Variants in CC2D1A observed in about 807,000 individuals in gnomAD.
The protein encoded by CC2D1A is coiled-coil and C2 domain containing 1A.
Under a neutral mutation model 123.8 loss-of-function variants are expected in CC2D1A, and 68 were observed. That is an observed-to-expected ratio of 0.55 (90% CI 0.45 to 0.67). CC2D1A has a LOEUF of 0.67. Ranked by LOEUF, CC2D1A falls within the 30% of genes least tolerant of loss-of-function variation. The pLI, the probability that CC2D1A is intolerant of heterozygous loss-of-function variation, is 0.00. For synonymous variants in CC2D1A, 477 were observed against 528.0 expected (o/e 0.90, Z 1.32); for missense variants, 1,185 against 1,290.3 (o/e 0.92, Z 1.25).
At chr19:13,910,281 G>A (rs868449344) in intron 2 of CC2D1A, among the ~76,000 whole-genome samples, 15 of 151,104 alleles carry the variant, frequency 9.9e-5, no homozygotes, top group Non-Finnish European at 1.9e-4. Flanking sequence ...GGTGGCGGGC[G>A]CCTGTAGTCC....
chr19:13,923,945 G>C lies in CC2D1A; in HGVS notation c.1940+134G>C, dbSNP rs1262616373. Reference sequence around the variant, plus strand: ...TTTTGGATAGGTGGAAGAGCACAGAGCATGCAAAGGCTCTGGGGCAGGCAT... The same window carrying C: ...TTTTGGATAGGTGGAAGAGCACAGACCATGCAAAGGCTCTGGGGCAGGCAT... On this transcript the variant is annotated intron_variant, in intron 17 of 28. Transcript: ENST00000318003. This position sits in a 1 kb window ranked among gnomAD's most constrained non-coding sequence, Gnocchi z 5.3. 1.5e-6 allele frequency: 1 copy of C among 657,026 alleles called. No homozygotes were observed. Among genetic ancestry groups the C allele is most frequent in the East Asian group, 2.7e-5 (1 of 37,542 alleles). 40.7% of individuals were successfully genotyped at this position (657,026 alleles called of 1,614,324 possible). A position where few individuals can be genotyped will look rare whatever the true frequency, so the allele number is the denominator to read the frequency against.
At chr19:13,928,257 T>C (rs1417461633) in intron 24 of CC2D1A, 69 bp downstream of exon 24, 8 of 1,383,648 alleles carry the variant, frequency 5.8e-6, no homozygotes, top group Non-Finnish European at 7.0e-6. Context: ...CTGGACAGTT[T>C]CCCACCAGGC....
At chr19:13,922,399 T>C (rs1971440426) in intron 14 of CC2D1A, among the ~76,000 whole-genome samples, 1 of 152,212 alleles carries the variant, frequency 6.6e-6, no homozygotes, top group Admixed American at 6.5e-5. Flanking sequence ...CCTTTGCACA[T>C]GCAGTTCCCA....
At chr19:13,925,933 A>AAAAAATATATAT (rs1315518981) in intron 17 of CC2D1A, among the ~76,000 whole-genome samples, 1 of 91,052 alleles carries the variant, frequency 1.1e-5, no homozygotes, top group African/African-American at 6.8e-5. Flanking sequence ...AAAAAAAAAA[A>AAAAAATATATAT]ATATATATAT....
rs781235861 is a variant in CC2D1A, at chr19:13,928,125, A to G, written c.2456A>G (p.Gln819Arg). ...IDPVPAAVPT[Q>R]VAGPKGKAPP... Reference sequence around the variant, plus strand: ...CAGGACTGGTTCTCTCCTCTGAAGCAGGTTGCTGGGCCCAAAGGGAAGGCC... The same window carrying G: ...CAGGACTGGTTCTCTCCTCTGAAGCGGGTTGCTGGGCCCAAAGGGAAGGCC... The change falls in exon 24 of 29, where the codon CAG becomes CGG. Residue 819 changes from glutamine to arginine, a missense_variant and splice_region_variant. Transcript: ENST00000318003. 6.2e-7 allele frequency: 1 copy of G among 1,612,350 alleles called. No individual in the cohort carries two copies. The highest frequency in any genetic ancestry group is 8.5e-7 in the Non-Finnish European group (1 of 1,179,798).
intron 14 of CC2D1A, among the ~76,000 whole-genome samples, chr19:13,922,502 C>G (rs914266561): frequency 6.6e-6 from 1 of 152,168 alleles, no homozygotes; most frequent in African/African-American, 2.4e-5. Context: ...GGAGGCCTAC[C>G]CTGAGCTGTC....
chr19:13,907,212 G>A (rs1426786374), intron 1 of CC2D1A, among the ~76,000 whole-genome samples: 1 of 152,072 alleles, frequency 6.6e-6, no homozygotes, highest in East Asian at 1.9e-4. Context: ...TGAGGCCAGA[G>A]TTTGAGACCA....
At chr19:13,925,934 AT>A (rs1350602235) in intron 17 of CC2D1A, among the ~76,000 whole-genome samples, 11,823 of 65,808 alleles carry the variant, frequency 0.18, 828 homozygotes, top group Middle Eastern at 0.28. Flanking sequence ...AAAAAAAAAA[AT>A]ATATATATAT....
At chr19:13,916,208 G>T (rs536083001) in intron 6 of CC2D1A, among the ~76,000 whole-genome samples, 3 of 152,030 alleles carry the variant, frequency 2.0e-5, no homozygotes, top group African/African-American at 7.2e-5. Flanking sequence ...AGTGAGCCAC[G>T]ATCACACCAC....
chr19:13,927,035 C>T lies in CC2D1A; in HGVS notation c.2183C>T (p.Ala728Val). ...CGCAGCCACCGTGGCTTCCGAAGGGCCATCCAGACCAAGGGCATCAAGTTC... is the reference window on the plus strand; with the variant it reads ...CGCAGCCACCGTGGCTTCCGAAGGGTCATCCAGACCAAGGGCATCAAGTTC... Reference protein sequence around the residue: ...INRSHRGFRRAIQTKGIKFEV... With the variant: ...INRSHRGFRRVIQTKGIKFEV... The change falls in exon 21 of 29, where the codon GCC becomes GTC. Residue 728 changes from alanine to valine, a missense_variant. Ala to Val is a moderately conservative substitution (Grantham distance 64). Coordinates refer to ENST00000318003, the MANE Select transcript of CC2D1A (RefSeq NM_017721.5). The T allele has an allele frequency of 6.2e-7, 1 of 1,614,110 alleles. No homozygotes were observed. The highest frequency in any genetic ancestry group is 8.5e-7 in the Non-Finnish European group (1 of 1,180,020).
intron 22 of CC2D1A, 73 bp from the exon 23 acceptor site, chr19:13,927,820 C>A: frequency 3.6e-5 from 48 of 1,349,524 alleles, no homozygotes; most frequent in Non-Finnish European, 4.6e-5. Flanking sequence ...CAGTCTTGTT[C>A]TCCCTTGTCC....
In CC2D1A at chr19:13,908,320, A is replaced by G. The variant is rs190024683; in HGVS notation, c.61-1503A>G. 5.3e-5 allele frequency among the ~76,000 whole-genome samples: 8 copies of G among 151,188 alleles called. No individual in the cohort carries two copies. The East Asian group carries it at 1.6e-3, about 30-fold the overall frequency. On this transcript the variant is annotated intron_variant, in intron 1 of 28. Coordinates refer to ENST00000318003, the MANE Select transcript of CC2D1A (RefSeq NM_017721.5). The stretch of plus-strand genomic sequence containing the variant: ...CCACCGTGCCCGGCCTAATTTTTGT[A>G]TTTTTAGTAGTGATGGGATTTCACC...
Position 13,923,425 on chromosome 19 carries a change from A to T in CC2D1A, c.1734A>T (p.Glu578Asp). The change falls in exon 15 of 29, where the codon GAA becomes GAT. Residue 578 changes from glutamate (E) to aspartate (D), a missense_variant. Transcript: ENST00000318003. This position sits in a 1 kb window ranked among gnomAD's most constrained non-coding sequence, Gnocchi z 5.3. The stretch of plus-strand genomic sequence containing the variant: ...AGGAGGCCGCCCGGCGCTATGGTGA[A>T]CTCACCAAGCTCATACGGCAGCAGC... Reference protein sequence around the residue: ...LSQEAARRYGELTKLIRQQHE... With the variant: ...LSQEAARRYGDLTKLIRQQHE... 1 of 1,613,818 alleles carries T rather than the reference A, an allele frequency of 6.2e-7. No homozygotes were observed. Among genetic ancestry groups the T allele is most frequent in the East Asian group, 2.2e-5 (1 of 44,862 alleles).
At chr19:13,907,349 C>T (rs1044448744) in intron 1 of CC2D1A, among the ~76,000 whole-genome samples, 2 of 152,020 alleles carry the variant, frequency 1.3e-5, no homozygotes, top group East Asian at 1.9e-4. Flanking sequence ...AGTTCAAGAC[C>T]GCAGTGAGCT....
chr19:13,926,490 C>G (rs1285995304), intron 17 of CC2D1A, 27 bp from the exon 18 acceptor site: 1 of 1,608,878 alleles, frequency 6.2e-7, no homozygotes, highest in South Asian at 1.1e-5. Flanking sequence ...CCCTGCCCAC[C>G]TGCCTGCCCA....
At chr19:13,908,473 C>CT (rs1397950984) in intron 1 of CC2D1A, among the ~76,000 whole-genome samples, 2,139 of 146,438 alleles carry the variant, frequency 0.015, 54 homozygotes, top group African/African-American at 0.05. Flanking sequence ...AATTGCTCTT[C>CT]TTTTTTTTTT....
At chr19:13,910,144 A>C (rs1048981486) in intron 2 of CC2D1A, among the ~76,000 whole-genome samples, 186 bp downstream of exon 2, 2 of 151,784 alleles carry the variant, frequency 1.3e-5, no homozygotes, top group African/African-American at 4.8e-5. Flanking sequence ...CACGCCTGTA[A>C]TCCCAGCACT....
At chr19:13,926,425 C>G in intron 17 of CC2D1A, 92 bp from the exon 18 acceptor site, 1 of 1,217,294 alleles carries the variant, frequency 8.2e-7, no homozygotes, top group Admixed American at 2.0e-5. Flanking sequence ...TTGTTCCCTG[C>G]CCCCACTGGG....
chr19:13,929,448 TATCCATCCTGC>T lies in CC2D1A; in HGVS notation c.2583+7_2583+17del. ...AAGAGCGTCTGGAGCGGAAGGTGGGTATCCATCCTGCCGGGCTACATGGGGCAGGACTGGGG... is the reference window on the plus strand; with the variant it reads ...AAGAGCGTCTGGAGCGGAAGGTGGGTCGGGCTACATGGGGCAGGACTGGGG... On this transcript the variant is annotated splice_region_variant and intron_variant, in intron 25 of 28. Transcript: ENST00000318003. 6.2e-7 allele frequency: 1 copy of T among 1,612,908 alleles called. No homozygotes were observed. The highest frequency in any genetic ancestry group is 1.1e-5 in the South Asian group (1 of 91,054).
Sources: allele counts gnomAD v4.1 joint callset (sites outside exome capture counted in the v4.1 genomes callset), GRCh38; gene constraint gnomAD v4.1.1; non-coding constraint Gnocchi (gnomAD v3.1); transcripts MANE v1.5; gene names NCBI Gene and HGNC (gene_info 2026-07-23, HGNC 2026-07-21).